PLCG2: variants seen among roughly 807,000 people sequenced by gnomAD.
PLCG2 encodes 1-phosphatidylinositol 4,5-bisphosphate phosphodiesterase gamma-2.
In PLCG2, 69 loss-of-function variants were observed where a neutral mutation model predicts 175.6. That is an observed-to-expected ratio of 0.39 (90% CI 0.32 to 0.48). The LOEUF is 0.48. Ranked by LOEUF, PLCG2 falls within the 20% of genes least tolerant of loss-of-function variation. PLCG2 has a pLI of 0.91. For synonymous variants in PLCG2, 827 were observed against 624.0 expected (o/e 1.33, Z -4.85); for missense variants, 1,798 against 1,650.9 (o/e 1.09, Z -1.54).
intron 2 of PLCG2, among the ~76,000 whole-genome samples, chr16:81,830,825 A>G (rs1905231192): frequency 6.6e-6 from 1 of 151,960 alleles, no homozygotes; most frequent in Admixed American, 6.6e-5. Flanking sequence ...TGAGGGGGGC[A>G]TCGGGCTTCT....
At chr16:81,926,149 G>A (rs141003838) in intron 22 of PLCG2, among the ~76,000 whole-genome samples, 2 of 152,310 alleles carry the variant, frequency 1.3e-5, no homozygotes, top group East Asian at 1.9e-4. Context: ...AGCATGGCAG[G>A]GGCATGATAG....
At chr16:81,805,624 C>A (rs1217969384) in intron 2 of PLCG2, among the ~76,000 whole-genome samples, 2 of 151,914 alleles carry the variant, frequency 1.3e-5, no homozygotes, top group Non-Finnish European at 2.9e-5. Flanking sequence ...CCTCACACCC[C>A]CTTCCCCCAC....
intron 7 of PLCG2, among the ~76,000 whole-genome samples, chr16:81,872,586 T>A (rs1907569366): frequency 6.6e-6 from 1 of 152,248 alleles, no homozygotes; most frequent in African/African-American, 2.4e-5. Context: ...GACTATTCTG[T>A]GCGATGCACC....
intron 5 of PLCG2, chr16:81,859,397 T>C (rs1171938945): frequency 1.7e-5 from 8 of 482,132 alleles, no homozygotes; most frequent in Non-Finnish European, 3.0e-5. Context: ...ATCTCTGCCA[T>C]GGGGCATTTG....
intron 31 of PLCG2, among the ~76,000 whole-genome samples, chr16:81,949,899 T>G (rs1911298977): frequency 6.6e-6 from 1 of 152,170 alleles, no homozygotes; most frequent in African/African-American, 2.4e-5. Flanking sequence ...AATCAGTCAG[T>G]AAATAAACTA....
At chr16:81,939,775 G>C (rs1910863021) in intron 29 of PLCG2, 117 bp from the exon 30 acceptor site, 1 of 675,804 alleles carries the variant, frequency 1.5e-6, no homozygotes, top group Non-Finnish European at 2.6e-6. Flanking sequence ...TCTTGGCATA[G>C]ATGCATATTT....
chr16:81,747,858 A>G (rs1325367181), intron 1 of PLCG2, among the ~76,000 whole-genome samples: 2 of 152,122 alleles, frequency 1.3e-5, no homozygotes, highest in Admixed American at 6.6e-5. Context: ...TAGACTAGAG[A>G]CATGACTGTT....
chr16:81,954,556 A>T (rs1475056631), intron 31 of PLCG2, among the ~76,000 whole-genome samples: 1 of 151,658 alleles, frequency 6.6e-6, no homozygotes, highest in Admixed American at 6.6e-5. Flanking sequence ...TCATTGTTCA[A>T]CTCCCACTTA....
upstream of PLCG2, among the ~76,000 whole-genome samples, chr16:81,774,744 G>GT (rs113581312): frequency 4.1e-4 from 58 of 143,028 alleles, no homozygotes; most frequent in East Asian, 2.6e-3. Context: ...CTCTAAGGGT[G>GT]TTTTTTTTTT....
intron 2 of PLCG2, among the ~76,000 whole-genome samples, chr16:81,830,918 G>A (rs1017265958): frequency 2.0e-5 from 3 of 151,888 alleles, no homozygotes; most frequent in Non-Finnish European, 4.4e-5. Context: ...AGGCACTGCG[G>A]GTCATGAGGG....
intron 2 of PLCG2, among the ~76,000 whole-genome samples, chr16:81,825,463 T>C (rs1479913577): frequency 6.6e-6 from 1 of 151,950 alleles, no homozygotes; most frequent in Non-Finnish European, 1.5e-5. Context: ...CTGGCTAGTT[T>C]TTTGTATTTT....
rs4258608 is a variant in PLCG2, at chr16:81,937,977, A to G, written c.3198+74A>G. On this transcript the variant is annotated intron_variant, in intron 28 of 32. Coordinates refer to ENST00000564138, the MANE Select transcript of PLCG2 (RefSeq NM_002661.5). ...GGGGCTGGGCCGATGCTGTCTTGAGAGCAGGGAACCCATGTCTAGGGAGGC... is the reference window on the plus strand; with the variant it reads ...GGGGCTGGGCCGATGCTGTCTTGAGGGCAGGGAACCCATGTCTAGGGAGGC... 426,425 of 1,442,726 alleles carry G rather than the reference A, an allele frequency of 0.3. 71,328 individuals are homozygous for G. The highest frequency in any genetic ancestry group is 0.72 in the African/African-American group (51,335 of 71,364). The allele number at this position is 1,442,726 out of a possible 1,614,324, so 89.4% of individuals were successfully genotyped here.
intron 1 of PLCG2, among the ~76,000 whole-genome samples, chr16:81,782,513 G>T (rs946189494): frequency 2.6e-5 from 4 of 152,216 alleles, no homozygotes; most frequent in African/African-American, 9.6e-5. Flanking sequence ...AGCGTGGAAC[G>T]CTGGAGACCT....
chr16:81,787,406 T>C (rs1285632420), intron 2 of PLCG2, among the ~76,000 whole-genome samples: 1 of 142,900 alleles, frequency 7.0e-6, no homozygotes, highest in East Asian at 2.0e-4. Context: ...TTTTTTTTTT[T>C]TTTTTGTAGA....
intron 7 of PLCG2, 53 bp from the exon 8 acceptor site, chr16:81,880,857 G>T: frequency 6.5e-7 from 1 of 1,544,574 alleles, no homozygotes; most frequent in Non-Finnish European, 8.9e-7. Flanking sequence ...TTCCGTTTTT[G>T]CATTAAGTGA....
chr16:81,869,348 G>C (rs747380823), intron 6 of PLCG2, 50 bp downstream of exon 6: 15 of 1,324,800 alleles, frequency 1.1e-5, no homozygotes, highest in Non-Finnish European at 1.6e-5. Context: ...GAGTGACTTA[G>C]CCTCTCTCAT....
chr16:81,901,151 A>G (rs1342278517), intron 14 of PLCG2, among the ~76,000 whole-genome samples: 1 of 152,144 alleles, frequency 6.6e-6, no homozygotes, highest in Non-Finnish European at 1.5e-5. Context: ...CCTCTCTCGG[A>G]GACAGCCCCA....
rs550396462 is a variant in PLCG2, at chr16:81,805,015, G to A, written c.193+18833G>A. Among the ~76,000 whole-genome samples the A allele has an allele frequency of 2.0e-5, 3 of 152,304 alleles. No individual in the cohort carries two copies. The South Asian group carries it at 6.2e-4, about 32-fold the overall frequency. The stretch of plus-strand genomic sequence containing the variant: ...TTTGCCTGGTTTACTCCTAAGTACA[G>A]TGAGCTTCAGTGATTTGCCCAAGGT... On this transcript the variant is annotated intron_variant, in intron 2 of 32. Transcript: ENST00000564138.
chr16:81,779,667 C>A (rs928780075), intron 1 of PLCG2, among the ~76,000 whole-genome samples: 7 of 152,094 alleles, frequency 4.6e-5, no homozygotes, highest in Admixed American at 4.6e-4. Flanking sequence ...CTCTCCGGTC[C>A]GTGCGGTGGG....
Sources: allele counts gnomAD v4.1 joint callset (sites outside exome capture counted in the v4.1 genomes callset), GRCh38; gene constraint gnomAD v4.1.1; transcripts MANE v1.5; gene names NCBI Gene and HGNC (gene_info 2026-07-23, HGNC 2026-07-21).